PPHLN1: variants seen among roughly 807,000 people sequenced by gnomAD.
PPHLN1 encodes the protein periphilin 1.
Under a neutral mutation model 51.3 loss-of-function variants are expected in PPHLN1, and 29 were observed. The observed-to-expected ratio is 0.57, with a 90% confidence interval of 0.42 to 0.77. The LOEUF (loss-of-function observed/expected upper bound fraction) is 0.77. PPHLN1 is among the 30% of genes least tolerant of loss of function. PPHLN1 has a pLI of 0.00. For missense variants in PPHLN1, 436 were observed against 438.4 expected, an observed-to-expected ratio of 0.99 and a Z score of 0.05; for synonymous variants, 147 against 147.8, an observed-to-expected ratio of 0.99 and a Z score of 0.04.
Position 42,417,588 on chromosome 12 carries a change from C to T in PPHLN1, c.909+18594C>T, listed in dbSNP as rs567532577. Among the ~76,000 whole-genome samples the T allele has an allele frequency of 2.0e-5, 3 of 152,130 alleles. No homozygotes were observed. In the South Asian group the frequency reaches 6.2e-4, roughly 32 times the overall value. Reference sequence around the variant, plus strand: ...GACTTTTTCCAACAATTCACAGCCTCCTTTAAGTAAGCGTAGAAAGGCAAA... The same window carrying T: ...GACTTTTTCCAACAATTCACAGCCTTCTTTAAGTAAGCGTAGAAAGGCAAA... On this transcript the variant is annotated intron_variant, in intron 9 of 9. Transcript: ENST00000358314.
At chr12:42,413,790 T>G (rs2139569020) in intron 9 of PPHLN1, among the ~76,000 whole-genome samples, 1 of 152,228 alleles carries the variant, frequency 6.6e-6, no homozygotes, top group East Asian at 1.9e-4. Context: ...CTCAAACTTC[T>G]GACCACAAGT....
At chr12:42,329,399 C>T (rs984184694) in intron 1 of PPHLN1, among the ~76,000 whole-genome samples, 3 of 152,158 alleles carry the variant, frequency 2.0e-5, no homozygotes, top group Admixed American at 6.5e-5. Context: ...GCCACCGCGC[C>T]CGGCCTGGAA....
chr12:42,417,911 AAAG>A (rs1189999593), intron 9 of PPHLN1, among the ~76,000 whole-genome samples: 1 of 149,184 alleles, frequency 6.7e-6, no homozygotes, highest in African/African-American at 2.5e-5. Flanking sequence ...AAGAAAAAAA[AAAG>A]CCCTAGTTTT....
intron 4 of PPHLN1, among the ~76,000 whole-genome samples, chr12:42,358,767 C>T (rs931301189): frequency 2.6e-5 from 4 of 152,110 alleles, no homozygotes; most frequent in African/African-American, 9.7e-5. Flanking sequence ...AATAATTTAG[C>T]TGGTCACTCT....
chr12:42,416,519 C>A (rs779863402), intron 9 of PPHLN1, among the ~76,000 whole-genome samples: 2 of 152,194 alleles, frequency 1.3e-5, no homozygotes, highest in Non-Finnish European at 1.5e-5. Context: ...GCACTTCTGT[C>A]AATTGGCTAC....
intron 8 of PPHLN1, among the ~76,000 whole-genome samples, chr12:42,396,613 T>TAAAA (rs2078219523): frequency 4.3e-5 from 1 of 23,088 alleles, no homozygotes; most frequent in Non-Finnish European, 8.3e-5. Context: ...GTCTTGTCAC[T>TAAAA]ACAAAAAAAA....
chr12:42,356,649 GA>G (rs1166255574), intron 4 of PPHLN1, among the ~76,000 whole-genome samples: 6 of 152,014 alleles, frequency 3.9e-5, no homozygotes, highest in Non-Finnish European at 2.9e-5. Context: ...AATAGATGCC[GA>G]AAAAAATGCT....
At chr12:42,382,571 G>A (rs1306971241) in intron 5 of PPHLN1, among the ~76,000 whole-genome samples, 1 of 152,144 alleles carries the variant, frequency 6.6e-6, no homozygotes, top group Admixed American at 6.5e-5. Flanking sequence ...CTAACGAGTA[G>A]CAAGCCTGTT....
At chr12:42,442,913 G>A, downstream of PPHLN1, 3 of 1,044,936 alleles carry the variant, frequency 2.9e-6, no homozygotes, top group East Asian at 2.7e-5. Flanking sequence ...GGGACCCAGT[G>A]CAAACTGTTG....
intron 1 of PPHLN1, chr12:42,331,807 G>A (rs1565722620): frequency 2.0e-5 from 3 of 152,084 alleles, no homozygotes; most frequent in Admixed American, 1.3e-4. Context: ...GAGTACCATC[G>A]AAACTGCACT....
intron 1 of PPHLN1, among the ~76,000 whole-genome samples, chr12:42,326,939 G>A (rs2068874777): frequency 6.6e-6 from 1 of 152,208 alleles, no homozygotes; most frequent in Non-Finnish European, 1.5e-5. Flanking sequence ...AATCAATCCA[G>A]AGTGAAGCCG....
intron 9 of PPHLN1, among the ~76,000 whole-genome samples, chr12:42,415,210 C>T (rs1026959698): frequency 2.0e-4 from 30 of 152,172 alleles, no homozygotes; most frequent in African/African-American, 6.5e-4. Context: ...CTTGCTCTGT[C>T]GCCCAGGCTG....
chr12:42,416,880 T>C (rs1351613237), intron 9 of PPHLN1, among the ~76,000 whole-genome samples: 1 of 152,234 alleles, frequency 6.6e-6, no homozygotes, highest in Non-Finnish European at 1.5e-5. Flanking sequence ...AGCAATGCAG[T>C]ATCATTTTAT....
At chr12:42,400,802 A>T (rs1186694684) in intron 9 of PPHLN1, among the ~76,000 whole-genome samples, 4 of 117,220 alleles carry the variant, frequency 3.4e-5, no homozygotes, top group Non-Finnish European at 5.6e-5. Context: ...TCTCTTTCAC[A>T]CACACACACA....
At chr12:42,426,172 C>CCACACACACA (rs71084653) in intron 9 of PPHLN1, among the ~76,000 whole-genome samples, 2,915 of 122,076 alleles carry the variant, frequency 0.024, 72 homozygotes, top group African/African-American at 0.037. Context: ...AGACTTGACA[C>CCACACACACA]CACACACACA....
intron 2 of PPHLN1, among the ~76,000 whole-genome samples, chr12:42,348,912 CAT>C (rs2072781741): frequency 2.0e-5 from 3 of 151,838 alleles, no homozygotes; most frequent in Admixed American, 6.6e-5. Context: ...ATTTGTGTAT[CAT>C]ATTTTATGTA....
chr12:42,367,432 T>A (rs979753584), intron 4 of PPHLN1, among the ~76,000 whole-genome samples: 2 of 152,014 alleles, frequency 1.3e-5, no homozygotes, highest in East Asian at 1.9e-4. Flanking sequence ...TTTTTTTTTT[T>A]AATTAAGACA....
chr12:42,355,234 A>G lies in PPHLN1; in HGVS notation c.299+12A>G, dbSNP rs768094512. ...CAACCTGAATACAGGTAAAAGGATA[A>G]AAATAATAGCATAAGTACTTTGATA... On this transcript the variant is annotated intron_variant, in intron 4 of 9. Transcript: ENST00000358314. The G allele has an allele frequency of 1.2e-6, 2 of 1,608,228 alleles. No individual in the cohort carries two copies. The highest frequency in any genetic ancestry group is 2.2e-5 in the South Asian group (2 of 90,952).
Position 42,375,077 on chromosome 12 carries a change from A to G in PPHLN1, c.511+3A>G. On this transcript the variant is annotated splice_donor_region_variant and intron_variant, in intron 5 of 9. Coordinates refer to ENST00000358314, the MANE Select transcript of PPHLN1 (RefSeq NM_201439.2). ...TTTCCATCAGTCTCAACATAGAAGT[A>G]TGTATTTTAAGACTTTATTTTTTTC... 6.3e-7 allele frequency: 1 copy of G among 1,592,696 alleles called. No individual in the cohort carries two copies. Among genetic ancestry groups the G allele is most frequent in the Non-Finnish European group, 8.6e-7 (1 of 1,166,732 alleles).
Sources: gnomAD v4.1 joint callset for allele counts (sites outside exome capture counted in the v4.1 genomes callset) on GRCh38, gnomAD v4.1.1 for gene constraint, MANE v1.5 for transcripts, NCBI Gene and HGNC (gene_info 2026-07-23, HGNC 2026-07-21) for gene names.